Variants in ETHE1 observed in about 807,000 individuals in gnomAD.
ETHE1 encodes the protein ETHE1 persulfide dioxygenase, also known as persulfide dioxygenase ETHE1, mitochondrial.
Under a neutral mutation model 25.7 loss-of-function variants are expected in ETHE1, and 16 were observed. That is an observed-to-expected ratio of 0.62 (90% CI 0.42 to 0.95). The LOEUF (loss-of-function observed/expected upper bound fraction) is 0.95, where lower values mean the gene tolerates loss of function less well. Among genes scored for constraint, ETHE1 ranks in the 40% least tolerant of loss-of-function variants. The pLI is 0.00. For synonymous variants in ETHE1, 139 were observed against 135.9 expected (o/e 1.02, Z -0.16); for missense variants, 300 against 333.6 (o/e 0.90, Z 0.79).
intron 3 of ETHE1, among the ~76,000 whole-genome samples, chr19:43,515,417 TAAAA>T (rs77979210): frequency 5.1e-5 from 5 of 97,278 alleles, no homozygotes; most frequent in East Asian, 2.9e-4. Context: ...AACTCCGCCT[TAAAA>T]AAAAAAAAAA....
chr19:43,517,165 C>G (rs1972037523), intron 3 of ETHE1, among the ~76,000 whole-genome samples: 1 of 151,108 alleles, frequency 6.6e-6, no homozygotes, highest in Admixed American at 6.6e-5. Flanking sequence ...TCCATGCACC[C>G]ATACAGCCAT....
Position 43,520,404 on chromosome 19 carries a change from C to T in ETHE1, c.375+5797G>A, listed in dbSNP as rs1332069912. On this transcript the variant is annotated intron_variant, in intron 3 of 6. Transcript: ENST00000292147. ...AGTGATGGATGGTTAGAGATGTACACTGTAAAAAAAAATTTTAAGCCTGGT... is the reference window on the plus strand; with the variant it reads ...AGTGATGGATGGTTAGAGATGTACATTGTAAAAAAAAATTTTAAGCCTGGT... 2.6e-5 allele frequency among the ~76,000 whole-genome samples: 4 copies of T among 151,758 alleles called. No individual in the cohort carries two copies. In the East Asian group the frequency reaches 7.8e-4, roughly 30 times the overall value.
chr19:43,506,980 G>A, intron 6 of ETHE1, 78 bp from the exon 7 acceptor site: 1 of 1,491,194 alleles, frequency 6.7e-7, no homozygotes, highest in Non-Finnish European at 9.3e-7. Flanking sequence ...AGAAATCCTA[G>A]GAACCTTTCC....
Position 43,527,113 on chromosome 19 carries a change from G to C in ETHE1, c.65C>G (p.Pro22Arg). 1.3e-6 allele frequency: 2 copies of C among 1,557,794 alleles called. No individual in the cohort carries two copies. Among genetic ancestry groups the C allele is most frequent in the Non-Finnish European group, 1.7e-6 (2 of 1,154,472 alleles). Reference protein sequence around the residue: ...QLSQRGGSGAPILLRQMFEPV... With the variant: ...QLSQRGGSGARILLRQMFEPV... ...CACCCGCACCTGCCGCAGGAGGATG[G>C]GGGCTCCAGACCCGCCGCGCTGGCT... Residue 22 changes from proline to arginine, a missense_variant, in exon 1 of 7, where the codon CCC (proline) becomes CGC (arginine). Pro to Arg is a moderately radical substitution (Grantham distance 103, BLOSUM62 -2). Coordinates refer to ENST00000292147, the MANE Select transcript of ETHE1 (RefSeq NM_014297.5).
chr19:43,507,377 G>A (rs1971801253), intron 6 of ETHE1, among the ~76,000 whole-genome samples: 3 of 71,198 alleles, frequency 4.2e-5, no homozygotes, highest in Non-Finnish European at 5.4e-5. Context: ...TCAGACCCAG[G>A]AGTCCAGGCC....
chr19:43,514,764 G>A (rs375271134), intron 3 of ETHE1, among the ~76,000 whole-genome samples: 11 of 152,180 alleles, frequency 7.2e-5, no homozygotes, highest in Admixed American at 2.6e-4. Context: ...GATTACAGGC[G>A]TGAGCCACCA....
chr19:43,522,630 C>T (rs372731076), intron 3 of ETHE1, among the ~76,000 whole-genome samples: 1 of 152,034 alleles, frequency 6.6e-6, no homozygotes, highest in Non-Finnish European at 1.5e-5. Context: ...TACAGGCACA[C>T]CCCACCACGC....
chr19:43,513,686 C>G (rs1971964166), intron 3 of ETHE1, among the ~76,000 whole-genome samples: 1 of 151,356 alleles, frequency 6.6e-6, no homozygotes, highest in African/African-American at 2.4e-5. Context: ...GTGGGAGGGA[C>G]TTGCCTTGTC....
chr19:43,512,791 AT>A (rs1227841383), intron 3 of ETHE1, among the ~76,000 whole-genome samples: 1 of 152,252 alleles, frequency 6.6e-6, no homozygotes, highest in Non-Finnish European at 1.5e-5. Flanking sequence ...TGCTGCAGAA[AT>A]TTGTATAAGT....
intron 3 of ETHE1, among the ~76,000 whole-genome samples, chr19:43,524,837 G>A (rs574267810): frequency 2.5e-4 from 38 of 151,600 alleles, no homozygotes; most frequent in South Asian, 4.2e-4. Context: ...CAACAAAAAA[G>A]GGTGGGTGCA....
chr19:43,518,548 C>T (rs1352494991), intron 3 of ETHE1, among the ~76,000 whole-genome samples: 1 of 151,338 alleles, frequency 6.6e-6, no homozygotes, highest in Non-Finnish European at 1.5e-5. Flanking sequence ...AGATCGAGAC[C>T]ATCCTGGCTA....
chr19:43,509,175 A>C lies in ETHE1; in HGVS notation c.506-311T>G, dbSNP rs78110932. Among the ~76,000 whole-genome samples the C allele has an allele frequency of 9.5e-3, 1,443 of 152,274 alleles. 8 individuals are homozygous for C. Among genetic ancestry groups the C allele is most frequent in the Non-Finnish European group, 0.015 (1,008 of 68,010 alleles). ...CAGGGGATGTCAAGTAAGGGTTCTG[A>C]ACAAGGAAGGTGGACTAGAAGGTAA... On this transcript the variant is annotated intron_variant, in intron 4 of 6. Coordinates refer to ENST00000292147, the MANE Select transcript of ETHE1 (RefSeq NM_014297.5).
intron 4 of ETHE1, among the ~76,000 whole-genome samples, chr19:43,510,558 C>T (rs1377385032): frequency 2.0e-5 from 3 of 151,626 alleles, no homozygotes; most frequent in East Asian, 1.9e-4. Context: ...TGGTCTTGAA[C>T]TCCTGACCTC....
At chr19:43,512,566 A>G (rs1361648190) in intron 3 of ETHE1, among the ~76,000 whole-genome samples, 2 of 152,070 alleles carry the variant, frequency 1.3e-5, no homozygotes, top group East Asian at 1.9e-4. Flanking sequence ...TCAGCAGGAA[A>G]GCATTCAAGA....
At chr19:43,507,685 C>A in intron 6 of ETHE1, 1 of 340,726 alleles carries the variant, frequency 2.9e-6, no homozygotes. Flanking sequence ...AGCCCCTACT[C>A]CCTCAGAGCC....
At position 43,522,188 on chromosome 19, in the gene ETHE1, G is replaced by A. The variant is rs1216515552; in HGVS notation, c.375+4013C>T. On this transcript the variant is annotated intron_variant, in intron 3 of 6. Transcript: ENST00000292147. ...TGTAATCCCAACACTTTGGGAGGCC[G>A]AGGCAGGAGGGTTGCTTGAGGCCTG... Among the ~76,000 whole-genome samples the A allele has an allele frequency of 2.6e-5, 4 of 152,284 alleles. No individual in the cohort carries two copies. The East Asian group carries it at 5.8e-4, about 22-fold the overall frequency.
At position 43,513,330 on chromosome 19, in the gene ETHE1, C is replaced by T. The variant is rs139053385; in HGVS notation, c.376-1764G>A. On this transcript the variant is annotated intron_variant, in intron 3 of 6. Transcript: ENST00000292147. ...CCAGAACCCAGAGTGTTAGATCCAC[C>T]GAGAGCTTGCACCATGTGCCTGGAA... Among the ~76,000 whole-genome samples the T allele has an allele frequency of 5.9e-3, 901 of 152,158 alleles. 8 individuals carry two copies. Among genetic ancestry groups the T allele is most frequent in the South Asian group, 0.045 (214 of 4,792 alleles).
At chr19:43,519,817 C>T (rs1228539666) in intron 3 of ETHE1, among the ~76,000 whole-genome samples, 1 of 152,174 alleles carries the variant, frequency 6.6e-6, no homozygotes. Context: ...GCAGATAGTA[C>T]AGAACCCTAC....
At chr19:43,511,224 G>T (rs1971908405) in intron 4 of ETHE1, among the ~76,000 whole-genome samples, 1 of 152,130 alleles carries the variant, frequency 6.6e-6, no homozygotes, top group African/African-American at 2.4e-5. Context: ...ACTATGCCCT[G>T]CCATGGTCCA....
Sources: allele counts gnomAD v4.1 joint callset (sites outside exome capture counted in the v4.1 genomes callset), GRCh38; gene constraint gnomAD v4.1.1; transcripts MANE v1.5; gene names NCBI Gene and HGNC (gene_info 2026-07-23, HGNC 2026-07-21).